NRXN3: variants seen among roughly 807,000 people sequenced by gnomAD.
The protein encoded by NRXN3 is neurexin III.
A neutral mutation model predicts 137.6 loss-of-function variants in NRXN3; 32 were observed. That is an observed-to-expected ratio of 0.23 (90% CI 0.18 to 0.31). The LOEUF (loss-of-function observed/expected upper bound fraction) is 0.31, where lower values mean the gene tolerates loss of function less well. Ranked by LOEUF, NRXN3 falls within the 10% of genes least tolerant of loss-of-function variation. The probability of loss-of-function intolerance (pLI) is 1.00; values close to 1 mark genes in which losing one functional copy is unlikely to be tolerated. For missense variants in NRXN3, 1,574 were observed against 2,062.5 expected (o/e 0.76, Z 4.59); for synonymous variants, 798 against 784.5 (o/e 1.02, Z -0.29).
At chr14:78,786,771 A>G (rs1371699812) in intron 8 of NRXN3, among the ~76,000 whole-genome samples, 1 of 152,174 alleles carries the variant, frequency 6.6e-6, no homozygotes, top group Non-Finnish European at 1.5e-5. Flanking sequence ...GTATTTAATC[A>G]TCTGTTTCAC....
intron 3 of NRXN3, among the ~76,000 whole-genome samples, chr14:78,284,950 C>T (rs772341829): frequency 5.3e-5 from 8 of 152,206 alleles, no homozygotes; most frequent in Non-Finnish European, 1.2e-4. Flanking sequence ...ATCCTTTGCC[C>T]AAGGTCAGAA....
chr14:79,181,458 G>C (rs933044494), intron 15 of NRXN3, among the ~76,000 whole-genome samples: 1 of 152,028 alleles, frequency 6.6e-6, no homozygotes, highest in Non-Finnish European at 1.5e-5. Flanking sequence ...CAAGGCAGGC[G>C]GATCGCTTGA....
At chr14:78,221,671 G>A (rs1475035431) in intron 1 of NRXN3, among the ~76,000 whole-genome samples, 1 of 152,158 alleles carries the variant, frequency 6.6e-6, no homozygotes, top group Non-Finnish European at 1.5e-5. Context: ...CAGTGATCTT[G>A]CACCTGCAGT....
intron 15 of NRXN3, among the ~76,000 whole-genome samples, chr14:79,188,011 T>G (rs1208270940): frequency 6.6e-6 from 1 of 151,562 alleles, no homozygotes; most frequent in East Asian, 2.0e-4. Flanking sequence ...TTTGTTTGCC[T>G]TTACATTTTT....
chr14:79,376,206 GTGTGTATGTATATATATATATATATATA>G (rs1386810461), intron 15 of NRXN3, among the ~76,000 whole-genome samples: 8 of 53,884 alleles, frequency 1.5e-4, no homozygotes, highest in African/African-American at 5.6e-4. Flanking sequence ...GTGTGTGTGT[GTGTGTATGTATATATATATATATATATA>G]TATATATATA....
At position 79,647,114 on chromosome 14, in the gene NRXN3, T is replaced by G. The variant is rs183442520; in HGVS notation, c.3445-16664T>G. ...TTCTCAATTGGCTTGGATTTCACAATGAAGAGGGCTATGATTTATTGGCCC... is the reference window on the plus strand; with the variant it reads ...TTCTCAATTGGCTTGGATTTCACAAGGAAGAGGGCTATGATTTATTGGCCC... On this transcript the variant is annotated intron_variant, in intron 16 of 20. Coordinates refer to ENST00000335750, the MANE Select transcript of NRXN3 (RefSeq NM_001330195.2). 2.9e-4 allele frequency among the ~76,000 whole-genome samples: 39 copies of G among 136,286 alleles called. 2 individuals carry two copies. In the East Asian group the frequency reaches 7.3e-3, roughly 25 times the overall value. The allele number at this position is 136,286 out of a possible 152,430, so 89.4% of individuals were successfully genotyped here.
At chr14:79,523,734 G>A (rs1256845872) in intron 16 of NRXN3, among the ~76,000 whole-genome samples, 1 of 152,234 alleles carries the variant, frequency 6.6e-6, no homozygotes, top group African/African-American at 2.4e-5. Flanking sequence ...AGGCGGAGTT[G>A]AGATTTAGGG....
rs376948158 is a variant in NRXN3, at chr14:79,438,065, G to A, written c.3263-29156G>A. ...CTTGTTCTTAAGAAAGTTGTCCTCA[G>A]TCTACTACTCTATTGCCTCTGGCTG... On this transcript the variant is annotated intron_variant, in intron 15 of 20. Coordinates refer to ENST00000335750, the MANE Select transcript of NRXN3 (RefSeq NM_001330195.2). Among the ~76,000 whole-genome samples the A allele has an allele frequency of 2.0e-5, 3 of 152,254 alleles. No individual in the cohort carries two copies. The South Asian group carries it at 6.2e-4, about 32-fold the overall frequency.
At chr14:78,287,994 T>C (rs1483006736) in intron 3 of NRXN3, among the ~76,000 whole-genome samples, 3 of 152,102 alleles carry the variant, frequency 2.0e-5, no homozygotes, top group Non-Finnish European at 4.4e-5. Flanking sequence ...CCCTTTTTTT[T>C]TTTGAGATGG....
At chr14:78,602,383 C>T (rs985903295) in intron 4 of NRXN3, 6 of 150,264 alleles carry the variant, frequency 4.0e-5, no homozygotes, top group Non-Finnish European at 7.4e-5. Context: ...GTTATTTCCT[C>T]ACTCCTGCCT....
chr14:78,880,150 G>C (rs2099124686), intron 10 of NRXN3, among the ~76,000 whole-genome samples: 1 of 140,900 alleles, frequency 7.1e-6, no homozygotes, highest in Non-Finnish European at 1.5e-5. Flanking sequence ...TGAGGCAGGA[G>C]AATGGCATGA....
Position 78,987,343 on chromosome 14 carries a change from G to C in NRXN3, c.3143-679G>C, listed in dbSNP as rs528442044. Among the ~76,000 whole-genome samples, 19 of 152,216 alleles carry C rather than the reference G, an allele frequency of 1.2e-4. No individual in the cohort carries two copies. The South Asian group carries it at 2.9e-3, about 23-fold the overall frequency. On this transcript the variant is annotated intron_variant, in intron 14 of 20. Transcript: ENST00000335750. ...CTTCAATTACCAAATGTGTGACCTT[G>C]AGTAAATTACTGTGTCTTCCCGAGC... is the stretch of plus-strand genomic sequence containing the variant.
At chr14:79,259,006 G>A (rs888909482) in intron 15 of NRXN3, among the ~76,000 whole-genome samples, 4 of 152,218 alleles carry the variant, frequency 2.6e-5, no homozygotes, top group South Asian at 4.1e-4. Context: ...TTGAGAGACA[G>A]TGTGGTCATG....
At chr14:79,427,958 C>T (rs888857738) in intron 15 of NRXN3, among the ~76,000 whole-genome samples, 5 of 151,920 alleles carry the variant, frequency 3.3e-5, no homozygotes, top group Admixed American at 6.6e-5. Flanking sequence ...GTAATAAGAT[C>T]GAGGATCCCA....
chr14:78,760,418 G>A (rs2098688563), intron 8 of NRXN3, among the ~76,000 whole-genome samples: 1 of 149,864 alleles, frequency 6.7e-6, no homozygotes, highest in African/African-American at 2.5e-5. Flanking sequence ...CTAAGGGTCT[G>A]GAACATAGTA....
intron 19 of NRXN3, among the ~76,000 whole-genome samples, chr14:79,739,598 C>T (rs2098953576): frequency 7.7e-6 from 1 of 129,578 alleles, no homozygotes; most frequent in Non-Finnish European, 1.6e-5. Context: ...GAGCTGAGAT[C>T]ATGCCACTGC....
At chr14:78,948,022 T>A (rs150847269) in intron 10 of NRXN3, among the ~76,000 whole-genome samples, 1 of 152,340 alleles carries the variant, frequency 6.6e-6, no homozygotes, top group East Asian at 1.9e-4. Flanking sequence ...ACATTTGAGT[T>A]ACTGCATGGG....
Position 78,641,780 on chromosome 14 carries a change from C to T in NRXN3, c.758-3340C>T, listed in dbSNP as rs2152566410. Among the ~76,000 whole-genome samples, 2 of 152,270 alleles carry T rather than the reference C, an allele frequency of 1.3e-5. 1 individual carries two copies. Among genetic ancestry groups the T allele is most frequent in the Middle Eastern group, 6.8e-3 (2 of 294 alleles). ...TCTGTTAAATATTTGCAAAGGAAGG[C>T]ACTTGGCCACATAAAATCTTCTTCG... On this transcript the variant is annotated intron_variant, in intron 4 of 20. Transcript: ENST00000335750.
At position 79,671,643 on chromosome 14, in the gene NRXN3, A is replaced by AT. The variant is rs1200600709; in HGVS notation, c.3616+7701dup. On this transcript the variant is annotated intron_variant, in intron 17 of 20. Transcript: ENST00000335750. Reference sequence around the variant, plus strand: ...ACAGAGTGGCAAGAAGGTGCTTAGTATTTTTTTAATTTAATTTTTGTTTTA... The same window carrying AT: ...ACAGAGTGGCAAGAAGGTGCTTAGTATTTTTTTTAATTTAATTTTTGTTTTA... 8.5e-5 allele frequency among the ~76,000 whole-genome samples: 13 copies of AT among 152,090 alleles called. No individual in the cohort carries two copies. In the East Asian group the frequency reaches 1.9e-3, roughly 23 times the overall value.
Sources: gnomAD v4.1 joint callset for allele counts (sites outside exome capture counted in the v4.1 genomes callset) on GRCh38, gnomAD v4.1.1 for gene constraint, MANE v1.5 for transcripts, NCBI Gene and HGNC (gene_info 2026-07-23, HGNC 2026-07-21) for gene names.